The following VAV3 variants were observed in gnomAD, a reference collection of about 807,000 sequenced individuals.
VAV3 encodes the protein vav guanine nucleotide exchange factor 3, also known as guanine nucleotide exchange factor VAV3.
VAV3 carries 94 observed loss-of-function variants against 131.2 expected under a neutral mutation model. The ratio of observed to expected loss-of-function variants is 0.72; its 90% CI spans 0.61 to 0.85. The LOEUF is 0.85. Among genes scored for constraint, VAV3 ranks in the 40% least tolerant of loss-of-function variants. VAV3 has a pLI of 0.00. For synonymous variants in VAV3, 349 were observed against 342.0 expected (o/e 1.02, Z -0.22); for missense variants, 939 against 1,002.7 (o/e 0.94, Z 0.86).
intron 20 of VAV3, among the ~76,000 whole-genome samples, chr1:107,636,573 T>G (rs1167412970): frequency 2.0e-5 from 3 of 152,080 alleles, no homozygotes; most frequent in African/African-American, 7.2e-5. Flanking sequence ...AGCCCACAGT[T>G]GGGCAAAATA....
chr1:107,737,347 T>C (rs1011125200), intron 15 of VAV3, among the ~76,000 whole-genome samples: 6 of 152,048 alleles, frequency 3.9e-5, no homozygotes, highest in African/African-American at 1.4e-4. Context: ...AAGCCAAAAT[T>C]GACAAATGGG....
chr1:107,925,875 C>T (rs1673127115), intron 1 of VAV3, among the ~76,000 whole-genome samples: 2 of 137,694 alleles, frequency 1.5e-5, no homozygotes. Flanking sequence ...ACAGATATGT[C>T]ACATATAAAT....
chr1:107,679,030 C>T (rs1214102401), intron 19 of VAV3, among the ~76,000 whole-genome samples: 1 of 151,982 alleles, frequency 6.6e-6, no homozygotes, highest in East Asian at 1.9e-4. Context: ...CGGAAAGGGG[C>T]CATGTTTTAT....
intron 18 of VAV3, 104 bp downstream of exon 18, chr1:107,688,277 A>G (rs1659173747): frequency 6.0e-6 from 8 of 1,329,162 alleles, no homozygotes; most frequent in Non-Finnish European, 8.1e-6. Context: ...ATTTCTATTT[A>G]TTTTAAAAGG....
At chr1:107,610,836 T>C (rs963634504) in intron 21 of VAV3, among the ~76,000 whole-genome samples, 7 of 152,226 alleles carry the variant, frequency 4.6e-5, no homozygotes, top group Admixed American at 2.0e-4. Context: ...GTTTGTCTCA[T>C]GTCCAAATAT....
chr1:107,663,510 T>TATAATC (rs1434975034), intron 19 of VAV3, among the ~76,000 whole-genome samples: 5 of 151,844 alleles, frequency 3.3e-5, no homozygotes, highest in Admixed American at 6.6e-5. Flanking sequence ...GAAAAAAAAA[T>TATAATC]GGTTTGATAA....
At chr1:107,683,156 G>C (rs2504457) in intron 19 of VAV3, among the ~76,000 whole-genome samples, 135,652 of 152,208 alleles carry the variant, frequency 0.89, 60,466 homozygotes, top group Middle Eastern at 0.93. Flanking sequence ...TTTTTAAGTG[G>C]CAGCTAGCTG....
chr1:107,911,485 TTA>T (rs1672364815), intron 1 of VAV3, among the ~76,000 whole-genome samples: 1 of 152,164 alleles, frequency 6.6e-6, no homozygotes, highest in African/African-American at 2.4e-5. Context: ...TTTGAATGTG[TTA>T]TATAGCAGGG....
chr1:107,894,118 A>G (rs1417020577), intron 1 of VAV3, among the ~76,000 whole-genome samples: 1 of 152,242 alleles, frequency 6.6e-6, no homozygotes, highest in Non-Finnish European at 1.5e-5. Context: ...GTAAATAGTT[A>G]AATTATTTCC....
intron 2 of VAV3, among the ~76,000 whole-genome samples, chr1:107,814,469 T>C (rs1459929606): frequency 6.7e-6 from 1 of 148,904 alleles, no homozygotes; most frequent in Admixed American, 6.7e-5. Context: ...TTTATTCATG[T>C]TTTTACATAC....
At chr1:107,839,110 GA>G (rs1407495658) in intron 2 of VAV3, among the ~76,000 whole-genome samples, 3 of 151,986 alleles carry the variant, frequency 2.0e-5, no homozygotes, top group African/African-American at 7.2e-5. Flanking sequence ...AAGTTTGAAA[GA>G]AAAGGAAAAA....
intron 15 of VAV3, among the ~76,000 whole-genome samples, chr1:107,706,776 AAT>A (rs1228036741): frequency 2.5e-4 from 38 of 152,322 alleles, no homozygotes; most frequent in African/African-American, 8.9e-4. Flanking sequence ...TGATTTGTCA[AAT>A]AAGTTTGAGT....
intron 1 of VAV3, among the ~76,000 whole-genome samples, chr1:107,949,040 A>C (rs1674407468): frequency 6.6e-6 from 1 of 152,148 alleles, no homozygotes. Context: ...CCTTAGACTT[A>C]AACAGGCTTA....
chr1:107,638,084 G>A (rs1655066752), intron 20 of VAV3, among the ~76,000 whole-genome samples: 2 of 152,154 alleles, frequency 1.3e-5, no homozygotes, highest in Admixed American at 6.6e-5. Context: ...GCATTTATGA[G>A]AAACTACAGA....
At chr1:107,819,786 C>T (rs1182912254) in intron 2 of VAV3, among the ~76,000 whole-genome samples, 1 of 152,118 alleles carries the variant, frequency 6.6e-6, no homozygotes, top group Admixed American at 6.6e-5. Context: ...TCTATGATAA[C>T]AGTTGTTATA....
chr1:107,915,694 T>C (rs1271227096), intron 1 of VAV3, among the ~76,000 whole-genome samples: 1 of 152,232 alleles, frequency 6.6e-6, no homozygotes, highest in Non-Finnish European at 1.5e-5. Context: ...CTGTGTTTTA[T>C]TCTCCAGTGC....
At chr1:107,813,806 C>A (rs1480378215) in intron 2 of VAV3, among the ~76,000 whole-genome samples, 1 of 152,156 alleles carries the variant, frequency 6.6e-6, no homozygotes, top group African/African-American at 2.4e-5. Context: ...CTACCCTCTA[C>A]CTCCATTAGA....
In VAV3 at chr1:107,770,638, T is replaced by C; in HGVS notation, c.646A>G (p.Lys216Glu). The change falls in exon 6 of 27, where the codon AAG becomes GAG. Residue 216 changes from lysine (K) to glutamate (E), a missense_variant and splice_region_variant. Transcript: ENST00000370056. ...KYTETLESIE[K>E]YFMAPLKRFL... The stretch of plus-strand genomic sequence containing the variant: ...AAAAATAATACCTGATGACTTACCT[T>C]TTCTATTGACTCCAAAGTTTCTGTA... The C allele has an allele frequency of 6.2e-7, 1 of 1,602,342 alleles. No individual in the cohort carries two copies. The highest frequency in any genetic ancestry group is 1.7e-4 in the Middle Eastern group (1 of 6,024).
intron 2 of VAV3, among the ~76,000 whole-genome samples, chr1:107,818,591 A>T (rs545996713): frequency 6.6e-6 from 1 of 152,218 alleles, no homozygotes; most frequent in Non-Finnish European, 1.5e-5. Flanking sequence ...ACCCCCAGGG[A>T]TTCATCTCCA....
Sources: allele counts gnomAD v4.1 joint callset (sites outside exome capture counted in the v4.1 genomes callset), GRCh38; gene constraint gnomAD v4.1.1; transcripts MANE v1.5; gene names NCBI Gene and HGNC (gene_info 2026-07-23, HGNC 2026-07-21).